The following GDF5 variants were observed in gnomAD, a reference collection of about 807,000 sequenced individuals.
GDF5 encodes growth differentiation factor 5.
Under a neutral mutation model 34.6 loss-of-function variants are expected in GDF5, and 17 were observed. The ratio of observed to expected loss-of-function variants is 0.49; its 90% CI spans 0.34 to 0.74. The LOEUF (loss-of-function observed/expected upper bound fraction) is 0.74, where lower values mean the gene tolerates loss of function less well. Ranked by LOEUF, GDF5 falls within the 30% of genes least tolerant of loss-of-function variation. The probability of loss-of-function intolerance (pLI) is 0.01; values close to 1 mark genes in which losing one functional copy is unlikely to be tolerated. For synonymous variants in GDF5, 332 were observed against 290.7 expected, an observed-to-expected ratio of 1.14 and a Z score of -1.44; for missense variants, 616 against 661.2, an observed-to-expected ratio of 0.93 and a Z score of 0.75.
chr20:35,450,033 C>T (rs1301194993), intron 1 of GDF5, among the ~76,000 whole-genome samples: 1 of 151,128 alleles, frequency 6.6e-6, no homozygotes, highest in South Asian at 2.1e-4. Flanking sequence ...CCGGGCGTCG[C>T]GGCTCACGCC....
Position 35,434,721 on chromosome 20 carries a change from C to T in GDF5, c.694G>A (p.Asp232Asn), listed in dbSNP as rs1350938247. ...YVFDISALEKDGLLGAELRIL... is the reference protein window; with the variant it reads ...YVFDISALEKNGLLGAELRIL... ...CGCAGCTCGGCCCCCAGCAGCCCAT[C>T]CTTCTCCAGGGCACTAATGTCAAAC... The change falls in exon 2 of 2, where the codon GAT becomes AAT. Residue 232 changes from aspartate (D) to asparagine (N), a missense_variant. Transcript: ENST00000374369. 6 of 1,611,752 alleles carry T rather than the reference C, an allele frequency of 3.7e-6. No individual in the cohort carries two copies. The highest frequency in any genetic ancestry group is 5.1e-6 in the Non-Finnish European group (6 of 1,179,858).
At chr20:35,452,165 T>C (rs1365619492) in intron 1 of GDF5, among the ~76,000 whole-genome samples, 2 of 141,162 alleles carry the variant, frequency 1.4e-5, no homozygotes, top group Non-Finnish European at 1.6e-5. Flanking sequence ...CCCCTGCCCA[T>C]CCCTGTTTCA....
chr20:35,448,013 T>G (rs1371317055), intron 1 of GDF5, among the ~76,000 whole-genome samples: 1 of 152,190 alleles, frequency 6.6e-6, no homozygotes, highest in Non-Finnish European at 1.5e-5. Context: ...CAAATATATT[T>G]GATTATAAAA....
At chr20:35,445,924 G>A (rs536923884) in intron 1 of GDF5, among the ~76,000 whole-genome samples, 63 of 150,360 alleles carry the variant, frequency 4.2e-4, no homozygotes, top group African/African-American at 1.4e-3. Flanking sequence ...AGCTGAGATC[G>A]CGCCATTGCA....
rs139993107 is a variant in GDF5, at chr20:35,436,842, C to T, written c.631+456G>A. Among the ~76,000 whole-genome samples the T allele has an allele frequency of 6.6e-5, 10 of 152,270 alleles. No individual in the cohort carries two copies. In the East Asian group the frequency reaches 1.9e-3, roughly 29 times the overall value. ...CATTTACTGTGTGCACCTCTCTTGCCTCCTCTATCCCCTTGCCTGAGGGCA... is the reference window on the plus strand; with the variant it reads ...CATTTACTGTGTGCACCTCTCTTGCTTCCTCTATCCCCTTGCCTGAGGGCA... On this transcript the variant is annotated intron_variant, in intron 1 of 1. Transcript: ENST00000374369.
upstream of GDF5, chr20:35,441,164 T>A (rs79322519): frequency 1.1e-4 from 16 of 152,310 alleles, no homozygotes; most frequent in East Asian, 3.1e-3. Flanking sequence ...GCTATTTATG[T>A]ATTGTGTGAT....
At position 35,437,744 on chromosome 20, in the gene GDF5, C is replaced by A. The variant is rs752211507; in HGVS notation, c.185G>T (p.Gly62Val). 17 of 1,613,144 alleles carry A rather than the reference C, an allele frequency of 1.1e-5. No homozygotes were observed. The highest frequency in any genetic ancestry group is 1.4e-5 in the Non-Finnish European group (16 of 1,179,550). Residue 62 changes from glycine (G) to valine (V), a missense_variant, in exon 1 of 2, where the codon GGT (glycine) becomes GTT (valine). Physicochemically the swap from Gly to Val is moderately radical, Grantham distance 109. Transcript: ENST00000374369. ...PLARNVFRPG[G>V]HSYGGGATNA... ...GGTGGCCCCCCCACCATAGCTGTGA[C>A]CCCCTGGCCTGAAGACGTTCCGGGC...
chr20:35,442,510 A>T (rs1195324134), upstream of GDF5, among the ~76,000 whole-genome samples: 2 of 149,558 alleles, frequency 1.3e-5, no homozygotes, highest in African/African-American at 4.9e-5. Context: ...CGCCGTGCCC[A>T]GCCCGAAGGT....
At chr20:35,450,213 C>T (rs959238884) in intron 1 of GDF5, among the ~76,000 whole-genome samples, 2 of 149,074 alleles carry the variant, frequency 1.3e-5, no homozygotes, top group Admixed American at 6.7e-5. Context: ...GGCTGAGGCA[C>T]GAGGATCACT....
intron 1 of GDF5, among the ~76,000 whole-genome samples, chr20:35,448,414 A>T (rs2062520692): frequency 9.1e-6 from 1 of 110,414 alleles, no homozygotes; most frequent in African/African-American, 3.7e-5. Context: ...AAAAAAAAAA[A>T]TATATATATA....
upstream of GDF5, among the ~76,000 whole-genome samples, chr20:35,438,521 T>C (rs1002193012): frequency 2.6e-5 from 4 of 152,170 alleles, no homozygotes; most frequent in South Asian, 8.3e-4. Flanking sequence ...AAGTGCGATA[T>C]ATTTATGTGA....
At position 35,438,097 on chromosome 20, in the gene GDF5, G is replaced by A. The variant is rs954438107; in HGVS notation, c.-169C>T. On this transcript the variant is annotated 5_prime_UTR_variant, in exon 1 of 2. Coordinates refer to ENST00000374369, the MANE Select transcript of GDF5 (RefSeq NM_000557.5). ...CAGTCTGAGACTCTTGAAGTCTGCCGGGTGTGTGTTTGTATCCAGTCCCAT... is the reference window on the plus strand; with the variant it reads ...CAGTCTGAGACTCTTGAAGTCTGCCAGGTGTGTGTTTGTATCCAGTCCCAT... 59 of 747,146 alleles carry A rather than the reference G, an allele frequency of 7.9e-5. No homozygotes were observed. Among genetic ancestry groups the A allele is most frequent in the Non-Finnish European group, 1.1e-4 (50 of 441,938 alleles). 46.3% of individuals were successfully genotyped at this position (747,146 alleles called of 1,614,324 possible). A position where few individuals can be genotyped will look rare whatever the true frequency, so the allele number is the denominator to read the frequency against.
At chr20:35,449,990 T>TA (rs1015071414) in intron 1 of GDF5, among the ~76,000 whole-genome samples, 2,115 of 135,776 alleles carry the variant, frequency 0.016, 56 homozygotes, top group African/African-American at 0.053. Context: ...CCCTGTCTCT[T>TA]AAAAAAAAAA....
chr20:35,439,521 C>T (rs959219547), upstream of GDF5, among the ~76,000 whole-genome samples: 3 of 152,146 alleles, frequency 2.0e-5, no homozygotes, highest in East Asian at 1.9e-4. Context: ...GCCACCGCGC[C>T]GGGCACAATT....
chr20:35,454,149 G>C (rs946885565), intron 1 of GDF5: 4 of 394,604 alleles, frequency 1.0e-5, no homozygotes, highest in African/African-American at 6.4e-5. Flanking sequence ...CTCTAAGAAA[G>C]TGCATTAACA....
chr20:35,434,542 C>A lies in GDF5; in HGVS notation c.873G>T (p.Trp291Cys), dbSNP rs1263780929. The change falls in exon 2 of 2, where the codon TGG (tryptophan) becomes TGT (cysteine). Residue 291 changes from tryptophan to cysteine, a missense_variant. Transcript: ENST00000374369. ...AGAGCTTCCAGATGTCGAACACCTC[C>A]CAGCCAGATCCGTCCAGGCCTGGCA... ...RSVPGLDGSG[W>C]EVFDIWKLFR... 6 of 1,598,380 alleles carry A rather than the reference C, an allele frequency of 3.8e-6. No homozygotes were observed. The highest frequency in any genetic ancestry group is 5.1e-6 in the Non-Finnish European group (6 of 1,171,628).
chr20:35,443,918 T>C (rs1220901534), intron 1 of GDF5, among the ~76,000 whole-genome samples: 6 of 152,178 alleles, frequency 3.9e-5, no homozygotes, highest in Admixed American at 2.6e-4. Context: ...ATTTTCAAAA[T>C]GGCTTCCCAT....
At chr20:35,452,595 T>C (rs1463811917) in intron 1 of GDF5, among the ~76,000 whole-genome samples, 6 of 152,152 alleles carry the variant, frequency 3.9e-5, no homozygotes. Context: ...GCTAATTTTA[T>C]ATTTTTAGTA....
intron 1 of GDF5, among the ~76,000 whole-genome samples, chr20:35,447,043 CAT>C (rs1198830137): frequency 6.6e-6 from 1 of 152,022 alleles, no homozygotes; most frequent in Non-Finnish European, 1.5e-5. Flanking sequence ...AGGTTTGTTA[CAT>C]ATGTTTTTTT....
Sources: gnomAD v4.1 joint callset for allele counts (sites outside exome capture counted in the v4.1 genomes callset) on GRCh38, gnomAD v4.1.1 for gene constraint, MANE v1.5 for transcripts, NCBI Gene and HGNC (gene_info 2026-07-23, HGNC 2026-07-21) for gene names.